CEP63: variants seen among roughly 807,000 people sequenced by gnomAD.
CEP63 encodes the protein centrosomal protein of 63 kDa.
A neutral mutation model predicts 89.1 loss-of-function variants in CEP63; 84 were observed. That is an observed-to-expected ratio of 0.94 (90% CI 0.79 to 1.13). The LOEUF (loss-of-function observed/expected upper bound fraction) is 1.13. CEP63 is among the 50% of genes most tolerant of loss of function. The pLI, the probability that CEP63 is intolerant of heterozygous loss-of-function variation, is 0.00. For missense variants in CEP63, 838 were observed against 813.3 expected, an observed-to-expected ratio of 1.03 and a Z score of -0.37; for synonymous variants, 267 against 272.5, an observed-to-expected ratio of 0.98 and a Z score of 0.20.
chr3:134,665,652 GACACACAC>G, the CEP63 span, among the ~76,000 whole-genome samples: 38,311 of 95,738 alleles, frequency 0.4, 8,394 homozygotes, highest in East Asian at 0.59. Flanking sequence ...GGAAACAGAG[GACACACAC>G]ACACACACAC....
the CEP63 span, among the ~76,000 whole-genome samples, chr3:134,698,817 A>G: frequency 3.9e-5 from 6 of 152,212 alleles, no homozygotes; most frequent in African/African-American, 1.2e-4. Context: ...TGAGCACTTC[A>G]TTCATCCATC....
At chr3:134,488,122 A>G (rs563469378) in intron 1 of CEP63, 1 of 152,182 alleles carries the variant, frequency 6.6e-6, no homozygotes, top group South Asian at 2.1e-4. Flanking sequence ...ATTACCTACC[A>G]CCTGAGCTCT....
chr3:134,691,608 A>G, the CEP63 span, among the ~76,000 whole-genome samples: 1 of 152,164 alleles, frequency 6.6e-6, no homozygotes, highest in East Asian at 1.9e-4. Context: ...ACAGAGAGAG[A>G]TCTTGTCTCA....
chr3:134,599,324 G>A, the CEP63 span, among the ~76,000 whole-genome samples: 1 of 152,136 alleles, frequency 6.6e-6, no homozygotes, highest in African/African-American at 2.4e-5. Context: ...GCTGGGCCTC[G>A]TTTTTGTGGA....
At chr3:134,778,763 T>C in the CEP63 span, among the ~76,000 whole-genome samples, 1 of 152,208 alleles carries the variant, frequency 6.6e-6, no homozygotes, top group Non-Finnish European at 1.5e-5. Flanking sequence ...GGTTTCACCA[T>C]GTTAGCCAGG....
chr3:134,717,506 A>G, the CEP63 span, among the ~76,000 whole-genome samples: 10,181 of 152,216 alleles, frequency 0.067, 523 homozygotes, highest in South Asian at 0.3. Flanking sequence ...GTAGTGTAGA[A>G]GAGTTGATAA....
At position 134,559,325 on chromosome 3, in the gene CEP63, C is replaced by A; in HGVS notation, c.1849C>A (p.Leu617Ile). 6.2e-7 allele frequency: 1 copy of A among 1,614,098 alleles called. No individual in the cohort carries two copies. The highest frequency in any genetic ancestry group is 8.5e-7 in the Non-Finnish European group (1 of 1,179,988). Residue 617 changes from leucine (L) to isoleucine (I), a missense_variant, in exon 14 of 15, where the codon CTA becomes ATA. Coordinates refer to ENST00000675561, the MANE Select transcript of CEP63 (RefSeq NM_001353108.3). ...CACCAGGTCTTTGACTTCCTACTCT[C>A]TATGTAAAACTCATTCTTTGCCTTC... ...SSTRSLTSYS[L>I]CKTHSLPSAL...
intron 2 of CEP63, among the ~76,000 whole-genome samples, chr3:134,496,809 A>C (rs1398926296): frequency 2.6e-5 from 4 of 152,214 alleles, no homozygotes; most frequent in Non-Finnish European, 5.9e-5. Flanking sequence ...GGTGCTATAT[A>C]CAATATGGTA....
chr3:134,530,292 G>A (rs530525581), intron 3 of CEP63, among the ~76,000 whole-genome samples: 2 of 152,244 alleles, frequency 1.3e-5, no homozygotes, highest in African/African-American at 4.8e-5. Flanking sequence ...ACCCGCACAA[G>A]TTTCGTTTTA....
downstream of CEP63, among the ~76,000 whole-genome samples, chr3:134,579,362 C>T (rs1577512650): frequency 2.0e-5 from 3 of 152,306 alleles, no homozygotes; most frequent in Admixed American, 2.0e-4. Flanking sequence ...AAATACCAAG[C>T]TGTTTTCCAA....
At chr3:134,734,574 C>T in the CEP63 span, among the ~76,000 whole-genome samples, 2 of 152,084 alleles carry the variant, frequency 1.3e-5, no homozygotes, top group Non-Finnish European at 2.9e-5. Context: ...TAAGCATATA[C>T]TATGAGCAAC....
At chr3:134,630,501 T>C in the CEP63 span, among the ~76,000 whole-genome samples, 5 of 152,104 alleles carry the variant, frequency 3.3e-5, no homozygotes, top group Admixed American at 2.0e-4. Context: ...GCTTTTTGGG[T>C]AGAGGAATGA....
chr3:134,641,323 T>G, the CEP63 span: 5 of 152,174 alleles, frequency 3.3e-5, no homozygotes, highest in Non-Finnish European at 5.9e-5. Context: ...GTGGATGTGA[T>G]TAAATTAAGG....
the CEP63 span, chr3:134,613,301 C>G: frequency 6.5e-6 from 1 of 153,050 alleles, no homozygotes; most frequent in Non-Finnish European, 1.5e-5. Flanking sequence ...AAGCCATGTC[C>G]TAGGCCGTGT....
downstream of CEP63, among the ~76,000 whole-genome samples, chr3:134,578,268 C>T (rs1958258889): frequency 6.6e-6 from 1 of 151,874 alleles, no homozygotes; most frequent in Non-Finnish European, 1.5e-5. Context: ...TTCTCCACAG[C>T]CTCGCTAGCA....
the CEP63 span, among the ~76,000 whole-genome samples, chr3:134,617,425 C>T: frequency 3.3e-5 from 5 of 151,936 alleles, no homozygotes; most frequent in East Asian, 1.9e-4. Context: ...GATGGGTATT[C>T]GCAGGGGAGG....
chr3:134,619,605 G>A, the CEP63 span, among the ~76,000 whole-genome samples: 4 of 152,314 alleles, frequency 2.6e-5, no homozygotes, highest in South Asian at 2.1e-4. Flanking sequence ...CACTCATCCC[G>A]TTTTCCTGCA....
chr3:134,736,674 G>T, the CEP63 span, among the ~76,000 whole-genome samples: 1 of 152,102 alleles, frequency 6.6e-6, no homozygotes, highest in African/African-American at 2.4e-5. Context: ...TGAATAAATG[G>T]AATGATACAT....
the CEP63 span, among the ~76,000 whole-genome samples, chr3:134,628,398 G>A: frequency 1.0e-3 from 152 of 152,342 alleles, no homozygotes; most frequent in Non-Finnish European, 1.7e-3. Context: ...TTTCCCTGCC[G>A]ATCTGGAACC....
Sources: gnomAD v4.1 joint callset for allele counts (sites outside exome capture counted in the v4.1 genomes callset) on GRCh38, gnomAD v4.1.1 for gene constraint, MANE v1.5 for transcripts, NCBI Gene and HGNC (gene_info 2026-07-23, HGNC 2026-07-21) for gene names.